The following UMAD1 variants were observed in gnomAD, a reference collection of about 807,000 sequenced individuals.
UMAD1 encodes the protein UBAP1-MVB12-associated (UMA)-domain containing protein 1.
Under a neutral mutation model 6.1 loss-of-function variants are expected in UMAD1, and 8 were observed. That is an observed-to-expected ratio of 1.30 (90% confidence interval 0.76 to 2.35). The LOEUF is 2.35. UMAD1 is among the 30% of genes most tolerant of loss of function. The pLI is 0.00. For missense variants in UMAD1, 130 were observed against 78.4 expected (o/e 1.66, Z -2.49); for synonymous variants, 56 against 31.4 (o/e 1.78, Z -2.61).
At chr7:7,851,126 G>T (rs1282405657) in intron 3 of UMAD1, among the ~76,000 whole-genome samples, 1 of 152,080 alleles carries the variant, frequency 6.6e-6, no homozygotes, top group African/African-American at 2.4e-5. Flanking sequence ...TACCTATTCT[G>T]ACTGGTTCAT....
At chr7:7,784,088 TAGA>T (rs748100935) in intron 2 of UMAD1, among the ~76,000 whole-genome samples, 3 of 152,192 alleles carry the variant, frequency 2.0e-5, no homozygotes, top group Non-Finnish European at 4.4e-5. Context: ...ATAATTGTAT[TAGA>T]AGAAGTGTGG....
chr7:7,704,727 ACTGTACTCCAGC>A (rs1299892158), intron 2 of UMAD1, among the ~76,000 whole-genome samples: 3 of 134,906 alleles, frequency 2.2e-5, no homozygotes, highest in African/African-American at 8.6e-5. Flanking sequence ...AGATCGCACC[ACTGTACTCCAGC>A]CTGGGTGACA....
At chr7:7,785,204 C>G (rs1397028238) in intron 2 of UMAD1, among the ~76,000 whole-genome samples, 1 of 152,162 alleles carries the variant, frequency 6.6e-6, no homozygotes, top group Non-Finnish European at 1.5e-5. Context: ...AGAATGAAAA[C>G]TTTCTGAACA....
In UMAD1 at chr7:7,827,137, ATATATATATATGTGTGTGTGTG is replaced by A. The variant is rs1460161433; in HGVS notation, c.156+25396_156+25417del. On this transcript the variant is annotated intron_variant, in intron 3 of 3. Transcript: ENST00000682710. ...CACAGTCCAGGATATATATATATAT[ATATATATATATGTGTGTGTGTG>A]TGTGTGTGTGTGTGTGTGTATCACA... Among the ~76,000 whole-genome samples, 5 of 129,546 alleles carry A rather than the reference ATATATATATATGTGTGTGTGTG, an allele frequency of 3.9e-5. No homozygotes were observed. In the South Asian group the frequency reaches 7.7e-4, roughly 20 times the overall value. The allele number at this position is 129,546 out of a possible 152,430, so 85.0% of individuals were successfully genotyped here.
chr7:7,671,649 T>C (rs1779607782), intron 1 of UMAD1, among the ~76,000 whole-genome samples: 1 of 152,298 alleles, frequency 6.6e-6, no homozygotes, highest in South Asian at 2.1e-4. Context: ...TTTTTCCTTG[T>C]GGGGGTTTCC....
chr7:7,798,960 T>C (rs1172204410), intron 2 of UMAD1, among the ~76,000 whole-genome samples: 1 of 152,200 alleles, frequency 6.6e-6, no homozygotes, highest in Non-Finnish European at 1.5e-5. Context: ...GTGTTTTTGT[T>C]TTTGTTGAAA....
intron 1 of UMAD1, among the ~76,000 whole-genome samples, chr7:7,667,722 A>C (rs1310478574): frequency 1.3e-5 from 2 of 152,244 alleles, no homozygotes; most frequent in Admixed American, 6.5e-5. Flanking sequence ...AAATGGAATT[A>C]ATCAAATGTA....
intron 2 of UMAD1, among the ~76,000 whole-genome samples, chr7:7,785,821 A>T (rs1486197819): frequency 1.3e-5 from 2 of 152,212 alleles, no homozygotes; most frequent in African/African-American, 4.8e-5. Context: ...AAGAGTACCT[A>T]GGAGGAGAAG....
chr7:7,814,241 C>G (rs899186254), intron 3 of UMAD1, among the ~76,000 whole-genome samples: 14 of 152,196 alleles, frequency 9.2e-5, no homozygotes, highest in African/African-American at 3.4e-4. Flanking sequence ...GCCTCAGCCT[C>G]CTGAAGTGCT....
At chr7:7,646,303 C>G (rs986527919) in intron 1 of UMAD1, among the ~76,000 whole-genome samples, 1 of 84,262 alleles carries the variant, frequency 1.2e-5, no homozygotes, top group African/African-American at 4.1e-5. Flanking sequence ...TACGGTTTGG[C>G]TGTGCCCCAC....
intron 1 of UMAD1, among the ~76,000 whole-genome samples, chr7:7,663,917 G>A (rs1779365187): frequency 1.3e-5 from 2 of 152,148 alleles, no homozygotes. Flanking sequence ...GAATGGGTGA[G>A]CTAGCCAGGA....
In UMAD1 at chr7:7,827,135, A is replaced by ATGTGTGTG. The variant is rs1178394302; in HGVS notation, c.156+25393_156+25394insGTGTGTGT. ...CTCACAGTCCAGGATATATATATATATATATATATATATGTGTGTGTGTGT... is the reference window on the plus strand; with the variant it reads ...CTCACAGTCCAGGATATATATATATATGTGTGTGTATATATATATATGTGTGTGTGTGT... On this transcript the variant is annotated intron_variant, in intron 3 of 3. Coordinates refer to ENST00000682710, the MANE Select transcript of UMAD1 (RefSeq NM_001302348.2). Among the ~76,000 whole-genome samples, 727 of 114,500 alleles carry ATGTGTGTG rather than the reference A, an allele frequency of 6.3e-3. 6 individuals are homozygous for ATGTGTGTG. The highest frequency in any genetic ancestry group is 7.8e-3 in the East Asian group (29 of 3,710). The allele number at this position is 114,500 out of a possible 152,430, so 75.1% of individuals were successfully genotyped here.
At chr7:7,803,228 T>G (rs960789426) in intron 3 of UMAD1, among the ~76,000 whole-genome samples, 18 of 152,222 alleles carry the variant, frequency 1.2e-4, no homozygotes, top group Non-Finnish European at 1.3e-4. Flanking sequence ...GTGGTCCCTG[T>G]GCTTTGGGAG....
At chr7:7,705,999 C>G (rs1401723794) in intron 2 of UMAD1, among the ~76,000 whole-genome samples, 1 of 152,086 alleles carries the variant, frequency 6.6e-6, no homozygotes, top group East Asian at 1.9e-4. Flanking sequence ...ACTCTATAAT[C>G]TTTTATTAGA....
intron 2 of UMAD1, among the ~76,000 whole-genome samples, chr7:7,684,076 A>G (rs1191344827): frequency 3.3e-5 from 5 of 152,232 alleles, no homozygotes; most frequent in African/African-American, 1.2e-4. Flanking sequence ...ATCCTCCCAT[A>G]TACTTTAAAT....
At chr7:7,777,284 A>G (rs2115248248) in intron 2 of UMAD1, among the ~76,000 whole-genome samples, 1 of 151,892 alleles carries the variant, frequency 6.6e-6, no homozygotes, top group East Asian at 1.9e-4. Context: ...AGGCGGGCAA[A>G]TCACAAGGCC....
At chr7:7,785,082 C>A (rs1229264274) in intron 2 of UMAD1, among the ~76,000 whole-genome samples, 1 of 152,102 alleles carries the variant, frequency 6.6e-6, no homozygotes, top group Non-Finnish European at 1.5e-5. Flanking sequence ...TCTAAAGAAT[C>A]TGGTATCAGT....
intron 2 of UMAD1, chr7:7,741,080 CA>C: frequency 6.6e-6 from 1 of 152,170 alleles, no homozygotes; most frequent in Admixed American, 6.5e-5. Flanking sequence ...ATTTATTTGA[CA>C]AAACCATTAA....
At chr7:7,761,067 A>G (rs1781879321) in intron 2 of UMAD1, among the ~76,000 whole-genome samples, 1 of 152,164 alleles carries the variant, frequency 6.6e-6, no homozygotes, top group Admixed American at 6.5e-5. Context: ...TTTGTGAATT[A>G]TGAAAAGGTC....
Sources: allele counts gnomAD v4.1 joint callset (sites outside exome capture counted in the v4.1 genomes callset), GRCh38; gene constraint gnomAD v4.1.1; transcripts MANE v1.5; gene names NCBI Gene and HGNC (gene_info 2026-07-23, HGNC 2026-07-21).